WDR20: variants seen among roughly 807,000 people sequenced by gnomAD.
The protein encoded by WDR20 is WD repeat-containing protein 20.
In WDR20, 3 loss-of-function variants were observed where a neutral mutation model predicts 38.7. That is an observed-to-expected ratio of 0.08 (90% CI 0.04 to 0.20). The LOEUF (loss-of-function observed/expected upper bound fraction) is 0.20. Among genes scored for constraint, WDR20 ranks in the 10% least tolerant of loss-of-function variants. The pLI, the probability that WDR20 is intolerant of heterozygous loss-of-function variation, is 1.00. For synonymous variants in WDR20, 298 were observed against 285.6 expected (o/e 1.04, Z -0.44); for missense variants, 559 against 727.7 (o/e 0.77, Z 2.67).
At chr14:102,155,594 C>T (rs746881739) in intron 1 of WDR20, among the ~76,000 whole-genome samples, 3 of 152,206 alleles carry the variant, frequency 2.0e-5, no homozygotes, top group African/African-American at 4.8e-5. Context: ...ACAGCATTGA[C>T]TCATTAGGGC....
At chr14:102,202,843 T>A (rs945113394) in intron 2 of WDR20, among the ~76,000 whole-genome samples, 1 of 152,200 alleles carries the variant, frequency 6.6e-6, no homozygotes, top group African/African-American at 2.4e-5. Flanking sequence ...TGGGCTCAAG[T>A]GATCCTCCTT....
downstream of WDR20, among the ~76,000 whole-genome samples, chr14:102,217,388 T>G (rs961307016): frequency 1.3e-5 from 2 of 152,164 alleles, no homozygotes; most frequent in Admixed American, 6.5e-5. Flanking sequence ...GCGTGGTCTT[T>G]CCCCGGAAGT....
intron 1 of WDR20, among the ~76,000 whole-genome samples, chr14:102,162,724 C>G (rs187186464): frequency 5.9e-5 from 9 of 152,254 alleles, no homozygotes; most frequent in Non-Finnish European, 8.8e-5. Flanking sequence ...AGCCAGCCTC[C>G]CACAGTCTCC....
At chr14:102,180,124 G>A (rs113400456) in intron 1 of WDR20, among the ~76,000 whole-genome samples, 1,923 of 152,280 alleles carry the variant, frequency 0.013, 20 homozygotes, top group Middle Eastern at 0.027. Context: ...CAGCCTGGGC[G>A]ACATAGCAAG....
chr14:102,176,767 T>C lies in WDR20; in HGVS notation c.250-18171T>C, dbSNP rs1178556192. Among the ~76,000 whole-genome samples the C allele has an allele frequency of 2.0e-5, 3 of 152,024 alleles. No homozygotes were observed. In the East Asian group the frequency reaches 5.8e-4, roughly 29 times the overall value. On this transcript the variant is annotated intron_variant, in intron 1 of 2. Coordinates refer to ENST00000342702, the MANE Select transcript of WDR20 (RefSeq NM_144574.4). ...TTTTTTTTTTGAAACGGAGTCTTGC[T>C]CTGTCTCCCAGGCTGGAGTGCAGTG...
intron 2 of WDR20, among the ~76,000 whole-genome samples, chr14:102,203,249 C>T (rs1418288714): frequency 1.3e-5 from 2 of 152,150 alleles, no homozygotes; most frequent in African/African-American, 4.8e-5. Context: ...TTCTAATTAC[C>T]ACATTAAAAT....
At chr14:102,172,510 G>A (rs1186678588) in intron 1 of WDR20, among the ~76,000 whole-genome samples, 9 of 148,176 alleles carry the variant, frequency 6.1e-5, no homozygotes, top group African/African-American at 2.2e-4. Flanking sequence ...CTCACCTCCC[G>A]GACGGGGCGG....
intron 1 of WDR20, among the ~76,000 whole-genome samples, chr14:102,150,936 C>T (rs966390523): frequency 3.3e-5 from 5 of 152,190 alleles, no homozygotes; most frequent in Admixed American, 6.5e-5. Context: ...ATTCAACTAA[C>T]ATTTATTGGA....
At chr14:102,201,083 C>T (rs755929225) in intron 2 of WDR20, among the ~76,000 whole-genome samples, 2 of 152,214 alleles carry the variant, frequency 1.3e-5, no homozygotes, top group Non-Finnish European at 1.5e-5. Flanking sequence ...CCGTAATGAT[C>T]TACTCCTTAA....
At chr14:102,140,927 A>G (rs2050820590) in intron 1 of WDR20, among the ~76,000 whole-genome samples, 2 of 152,178 alleles carry the variant, frequency 1.3e-5, no homozygotes, top group Admixed American at 1.3e-4. Context: ...GCCCAGATTA[A>G]TCTTGTCCAA....
chr14:102,154,094 T>G (rs1268860357), intron 1 of WDR20, among the ~76,000 whole-genome samples: 1 of 152,160 alleles, frequency 6.6e-6, no homozygotes, highest in African/African-American at 2.4e-5. Flanking sequence ...GCATAGGAGT[T>G]TGAGGTTGCA....
At chr14:102,139,743 C>A, upstream of WDR20, 1 of 912,554 alleles carries the variant, frequency 1.1e-6, no homozygotes, top group Non-Finnish European at 1.6e-6. Context: ...AGCACGCCTG[C>A]GCAGTCGGGC....
At chr14:102,189,368 CT>C (rs2065768259) in intron 1 of WDR20, among the ~76,000 whole-genome samples, 1 of 152,056 alleles carries the variant, frequency 6.6e-6, no homozygotes, top group South Asian at 2.1e-4. Flanking sequence ...AAGTTGAGAA[CT>C]TAATAAGTAT....
chr14:102,223,128 T>G (rs927403910), exon 4 of WDR20: 9 of 388,614 alleles, frequency 2.3e-5, no homozygotes, highest in Non-Finnish European at 4.1e-5. Flanking sequence ...TGGAGTTTTC[T>G]TGCTTTTTAC....
chr14:102,214,874 G>GT (rs58579419), downstream of WDR20: 17,968 of 594,538 alleles, frequency 0.03, no homozygotes, highest in Non-Finnish European at 0.034. Context: ...TCACTGCTTT[G>GT]TTTTTTTTTT....
At chr14:102,213,217 C>CT (rs1271801183), downstream of WDR20, 1 of 985,458 alleles carries the variant, frequency 1.0e-6, no homozygotes, top group African/African-American at 1.7e-5. Context: ...TTCTCTGAGG[C>CT]TTTTTTCTTA....
At chr14:102,175,274 C>T (rs919134726) in intron 1 of WDR20, among the ~76,000 whole-genome samples, 1 of 152,160 alleles carries the variant, frequency 6.6e-6, no homozygotes, top group Non-Finnish European at 1.5e-5. Flanking sequence ...ATGTGGCTTA[C>T]CAATTATCCC....
downstream of WDR20, among the ~76,000 whole-genome samples, chr14:102,219,569 G>A (rs1311192573): frequency 6.6e-6 from 1 of 152,202 alleles, no homozygotes; most frequent in Non-Finnish European, 1.5e-5. Flanking sequence ...TTCGCCTTCC[G>A]GTTAACTCCT....
intron 1 of WDR20, among the ~76,000 whole-genome samples, chr14:102,178,584 A>G (rs2062681760): frequency 6.6e-6 from 1 of 151,888 alleles, no homozygotes; most frequent in South Asian, 2.1e-4. Context: ...GGGCCCCTGC[A>G]CTTGAACACT....
Sources: allele counts gnomAD v4.1 joint callset (sites outside exome capture counted in the v4.1 genomes callset), GRCh38; gene constraint gnomAD v4.1.1; transcripts MANE v1.5; gene names NCBI Gene and HGNC (gene_info 2026-07-23, HGNC 2026-07-21).